WDR89: variants seen among roughly 807,000 people sequenced by gnomAD.
WDR89 encodes the protein WD repeat domain 89.
Under a neutral mutation model 29.1 loss-of-function variants are expected in WDR89, and 17 were observed. The ratio of observed to expected loss-of-function variants is 0.58; its 90% confidence interval spans 0.40 to 0.88. WDR89 has a LOEUF of 0.88. Among genes scored for constraint, WDR89 ranks in the 40% least tolerant of loss-of-function variants. The probability of loss-of-function intolerance (pLI) is 0.00; values close to 1 mark genes in which losing one functional copy is unlikely to be tolerated. For synonymous variants in WDR89, 138 were observed against 157.8 expected (o/e 0.87, Z 0.94); for missense variants, 396 against 456.3 (o/e 0.87, Z 1.20).
rs567093371 is a variant in WDR89 at position 63,617,213 on chromosome 14, G to A, written c.-32+7715C>T. Among the ~76,000 whole-genome samples the A allele has an allele frequency of 2.6e-5, 4 of 151,350 alleles. No homozygotes were observed. In the East Asian group the frequency reaches 5.9e-4, roughly 22 times the overall value. On this transcript the variant is annotated intron_variant, in intron 2 of 2. Transcript: ENST00000620954. ...CTGTCTCAAGCCTCCCAAGGAGCTCGGATTACAGGCATGCACCACCATGTC... is the reference window on the plus strand; with the variant it reads ...CTGTCTCAAGCCTCCCAAGGAGCTCAGATTACAGGCATGCACCACCATGTC...
chr14:63,606,947 T>G (rs1377044469), intron 2 of WDR89, among the ~76,000 whole-genome samples: 2 of 152,218 alleles, frequency 1.3e-5, no homozygotes. Context: ...CATTCCAATG[T>G]TAAGCTATTG....
chr14:63,621,117 G>T (rs1323639101), intron 2 of WDR89, among the ~76,000 whole-genome samples: 1 of 152,114 alleles, frequency 6.6e-6, no homozygotes, highest in Non-Finnish European at 1.5e-5. Flanking sequence ...AGAATGTGAA[G>T]AAACTGGAAC....
intron 1 of WDR89, among the ~76,000 whole-genome samples, chr14:63,632,709 T>C (rs1883488457): frequency 1.3e-5 from 2 of 151,928 alleles, no homozygotes; most frequent in Admixed American, 6.6e-5. Flanking sequence ...AGATGAATTA[T>C]ACAGAATGAT....
At chr14:63,619,791 G>A (rs949600349) in intron 2 of WDR89, among the ~76,000 whole-genome samples, 14 of 151,964 alleles carry the variant, frequency 9.2e-5, no homozygotes, top group African/African-American at 2.9e-4. Flanking sequence ...GATCACTTGA[G>A]GTCAGGAGTT....
At chr14:63,616,059 A>G (rs1289090099) in intron 2 of WDR89, among the ~76,000 whole-genome samples, 1 of 152,166 alleles carries the variant, frequency 6.6e-6, no homozygotes, top group Non-Finnish European at 1.5e-5. Context: ...CTTAGGCAAC[A>G]TGGCTAAACT....
intron 1 of WDR89, among the ~76,000 whole-genome samples, chr14:63,632,427 T>A (rs538230680): frequency 6.6e-6 from 1 of 152,146 alleles, no homozygotes; most frequent in South Asian, 2.1e-4. Context: ...GGCCAGGAGT[T>A]CAAGACCAGC....
At chr14:63,629,405 A>G (rs1398147920) in intron 1 of WDR89, among the ~76,000 whole-genome samples, 1 of 152,178 alleles carries the variant, frequency 6.6e-6, no homozygotes, top group Admixed American at 6.6e-5. Context: ...ATTATCCAAA[A>G]TTTACTTCAT....
chr14:63,627,254 T>C (rs762659497), intron 1 of WDR89, among the ~76,000 whole-genome samples: 50 of 151,860 alleles, frequency 3.3e-4, no homozygotes, highest in Non-Finnish European at 7.1e-4. Context: ...TGTGTCTCCT[T>C]GAATCCAACA....
rs537559503 is a variant in WDR89 at position 63,632,123 on chromosome 14, CAAACAAAAAAAAAACTAA to C, written c.-137-7108_-137-7091del. ...GGAGACTCTGCCTCAAAAAAACAAA[CAAACAAAAAAAAAACTAA>C]AAACAAAAAAAAGTAAATCCAAAAA... is the stretch of plus-strand genomic sequence containing the variant. On this transcript the variant is annotated intron_variant, in intron 1 of 2. Transcript: ENST00000620954. Among the ~76,000 whole-genome samples the C allele has an allele frequency of 2.9e-4, 42 of 146,132 alleles. No homozygotes were observed. In the East Asian group the frequency reaches 8.4e-3, roughly 29 times the overall value.
chr14:63,619,035 C>T (rs111713324), intron 2 of WDR89, among the ~76,000 whole-genome samples: 2 of 152,264 alleles, frequency 1.3e-5, no homozygotes, highest in South Asian at 2.1e-4. Context: ...TTTATGTGTG[C>T]GTATTTTTAA....
chr14:63,620,022 A>AAG (rs745623112), intron 2 of WDR89, among the ~76,000 whole-genome samples: 5 of 151,526 alleles, frequency 3.3e-5, no homozygotes, highest in Admixed American at 1.3e-4. Flanking sequence ...AAAAAAAAAA[A>AAG]AAGAAAAAGA....
chr14:63,627,661 T>G (rs1214357114), intron 1 of WDR89, among the ~76,000 whole-genome samples: 1 of 152,194 alleles, frequency 6.6e-6, no homozygotes, highest in African/African-American at 2.4e-5. Flanking sequence ...GTTAGAATCA[T>G]AAAGCAAGTG....
At chr14:63,610,702 C>CTTTTTTTTTTTTTTT (rs1009799974) in intron 2 of WDR89, among the ~76,000 whole-genome samples, 4 of 129,138 alleles carry the variant, frequency 3.1e-5, no homozygotes, top group Admixed American at 7.9e-5. Context: ...CTTTTCTTTT[C>CTTTTTTTTTTTTTTT]TTTTTTTTTT....
chr14:63,630,177 A>C (rs1036039684), intron 1 of WDR89, among the ~76,000 whole-genome samples: 1 of 150,984 alleles, frequency 6.6e-6, no homozygotes, highest in African/African-American at 2.4e-5. Context: ...CGAACTCCTG[A>C]CATCAGGTGG....
At chr14:63,640,941 T>C (rs1297314174) in intron 1 of WDR89, among the ~76,000 whole-genome samples, 2 of 148,274 alleles carry the variant, frequency 1.3e-5, no homozygotes, top group Non-Finnish European at 1.5e-5. Flanking sequence ...CTACTAAAAA[T>C]ACAAAAATTA....
rs1894980499 is a variant in WDR89 at position 63,599,879 on chromosome 14, C to T, written c.64G>A (p.Glu22Lys). 1 of 1,613,784 alleles carries T rather than the reference C, an allele frequency of 6.2e-7. No homozygotes were observed. Among genetic ancestry groups the T allele is most frequent in the East Asian group, 2.2e-5 (1 of 44,856 alleles). Residue 22 changes from glutamate to lysine, a missense_variant, in exon 3 of 3, where the codon GAG becomes AAG. Transcript: ENST00000620954. The stretch of plus-strand genomic sequence containing the variant: ...TCTATACCAAGAAGGTAAGTGGGCT[C>T]TTTGGTTCCTAAGGAACATTTAACA... ...HIVKCSLGTK[E>K]PTYLLGIDTS...
At chr14:63,628,503 G>A (rs1883207540) in intron 1 of WDR89, among the ~76,000 whole-genome samples, 1 of 152,200 alleles carries the variant, frequency 6.6e-6, no homozygotes, top group African/African-American at 2.4e-5. Flanking sequence ...GATGATAATA[G>A]ATGAGATGGG....
At position 63,616,848 on chromosome 14, in the gene WDR89, A is replaced by G. The variant is rs189694624; in HGVS notation, c.-32+8080T>C. Among the ~76,000 whole-genome samples the G allele has an allele frequency of 6.3e-3, 960 of 152,254 alleles. 5 individuals carry two copies. Among genetic ancestry groups the G allele is most frequent in the Middle Eastern group, 0.02 (6 of 294 alleles). On this transcript the variant is annotated intron_variant, in intron 2 of 2. Coordinates refer to ENST00000620954, the MANE Select transcript of WDR89 (RefSeq NM_080666.4). Reference sequence around the variant, plus strand: ...GGAGAACAGACTAAAGGGCAAGAGTATAAGTAGTTAGTTTAGAGGTTTGTG... The same window carrying G: ...GGAGAACAGACTAAAGGGCAAGAGTGTAAGTAGTTAGTTTAGAGGTTTGTG...
chr14:63,625,467 A>T (rs1282078218), intron 1 of WDR89, among the ~76,000 whole-genome samples: 1 of 150,876 alleles, frequency 6.6e-6, no homozygotes, highest in Non-Finnish European at 1.5e-5. Flanking sequence ...ACAAAGTTTA[A>T]AAAGGTAAAT....
Sources: gnomAD v4.1 joint callset for allele counts (sites outside exome capture counted in the v4.1 genomes callset) on GRCh38, gnomAD v4.1.1 for gene constraint, MANE v1.5 for transcripts, NCBI Gene and HGNC (gene_info 2026-07-23, HGNC 2026-07-21) for gene names.